Variants in AGAP1 observed in about 807,000 individuals in gnomAD.
The protein encoded by AGAP1 is arf-GAP with GTPase, ANK repeat and PH domain-containing protein 1.
A neutral mutation model predicts 105.3 loss-of-function variants in AGAP1; 29 were observed. That is an observed-to-expected ratio of 0.28 (90% CI 0.21 to 0.38). The LOEUF (loss-of-function observed/expected upper bound fraction) is 0.38, where lower values mean the gene tolerates loss of function less well. Among genes scored for constraint, AGAP1 ranks in the 10% least tolerant of loss-of-function variants. The pLI is 1.00. For missense variants in AGAP1, 998 were observed against 1,165.1 expected, an observed-to-expected ratio of 0.86 and a Z score of 2.09; for synonymous variants, 509 against 485.9, an observed-to-expected ratio of 1.05 and a Z score of -0.63.
At position 235,889,070 on chromosome 2, in the gene AGAP1, T is replaced by C. The variant is rs576876415; in HGVS notation, c.1155+5621T>C. 6.6e-6 allele frequency among the ~76,000 whole-genome samples: 1 copy of C among 152,314 alleles called. No individual in the cohort carries two copies. Among genetic ancestry groups the C allele is most frequent in the East Asian group, 1.9e-4 (1 of 5,188 alleles). On this transcript the variant is annotated intron_variant, in intron 10 of 17. Coordinates refer to ENST00000304032, the MANE Select transcript of AGAP1 (RefSeq NM_001037131.3). This position sits in a 1 kb window ranked among gnomAD's most constrained non-coding sequence, Gnocchi z 4.6. ...TTGCACAAGTGTCCACGGAAGTGTT[T>C]GTGTGAAAGATCGATCACCTTTGGA...
At chr2:236,018,702 A>G (rs1457873460) in intron 13 of AGAP1, among the ~76,000 whole-genome samples, 1 of 152,248 alleles carries the variant, frequency 6.6e-6, no homozygotes, top group Admixed American at 6.5e-5. Flanking sequence ...AGGCCTCTTC[A>G]AATAGGTGAT....
intron 13 of AGAP1, among the ~76,000 whole-genome samples, chr2:236,011,263 G>A (rs1400698612): frequency 3.9e-5 from 6 of 152,136 alleles, no homozygotes; most frequent in Non-Finnish European, 8.8e-5. Context: ...TCTCTCCCAG[G>A]CCCACTGACT....
chr2:235,992,227 G>T lies in AGAP1; in HGVS notation c.1645+23604G>T, dbSNP rs1194532477. Among the ~76,000 whole-genome samples the T allele has an allele frequency of 2.0e-5, 3 of 152,022 alleles. No homozygotes were observed. The East Asian group carries it at 5.8e-4, about 29-fold the overall frequency. Reference sequence around the variant, plus strand: ...GGTCTTCCTGGGTCCATGTTGCGTGGTTAGGAGCGCAGCGGAGGAGCCGGT... The same window carrying T: ...GGTCTTCCTGGGTCCATGTTGCGTGTTTAGGAGCGCAGCGGAGGAGCCGGT... On this transcript the variant is annotated intron_variant, in intron 13 of 17. Transcript: ENST00000304032. This position sits in a 1 kb window ranked among gnomAD's most constrained non-coding sequence, Gnocchi z 4.8.
At chr2:235,853,653 T>C (rs1330899430) in intron 9 of AGAP1, among the ~76,000 whole-genome samples, 2 of 152,194 alleles carry the variant, frequency 1.3e-5, no homozygotes, top group Non-Finnish European at 2.9e-5. Flanking sequence ...TGATTTTGGA[T>C]GTTAATGAAA....
At chr2:235,589,863 G>C (rs771840568) in intron 1 of AGAP1, among the ~76,000 whole-genome samples, 4 of 151,922 alleles carry the variant, frequency 2.6e-5, no homozygotes. Flanking sequence ...GAAAGGGTTT[G>C]GGAATGAGTA....
At chr2:235,647,955 A>G (rs1284372104) in intron 1 of AGAP1, among the ~76,000 whole-genome samples, 1 of 152,096 alleles carries the variant, frequency 6.6e-6, no homozygotes, top group East Asian at 1.9e-4. Context: ...AGAAATTTGA[A>G]CCAATCAGAA....
At chr2:235,768,581 T>C (rs77949776) in intron 6 of AGAP1, among the ~76,000 whole-genome samples, 4,680 of 152,300 alleles carry the variant, frequency 0.031, 237 homozygotes, top group African/African-American at 0.1. Flanking sequence ...TTTACCATCC[T>C]CTAAGATGTA....
rs1956757184 is a variant in AGAP1 at position 235,788,059 on chromosome 2, C to CT, written c.674-9699dup. Among the ~76,000 whole-genome samples, 3 of 152,304 alleles carry CT rather than the reference C, an allele frequency of 2.0e-5. No individual in the cohort carries two copies. The highest frequency in any genetic ancestry group is 6.5e-5 in the Admixed American group (1 of 15,298). On this transcript the variant is annotated intron_variant, in intron 6 of 17. Transcript: ENST00000304032. This position sits in a 1 kb window ranked among gnomAD's most constrained non-coding sequence, Gnocchi z 6.0. ...GCCATTGGCATCAACGCTGCAGCCT[C>CT]TGAGTCATGCATGCCTCATGGGGTC... is the stretch of plus-strand genomic sequence containing the variant.
chr2:235,643,439 A>C, intron 1 of AGAP1, among the ~76,000 whole-genome samples: 1 of 148,480 alleles, frequency 6.7e-6, no homozygotes, highest in Non-Finnish European at 1.5e-5. Flanking sequence ...CTCAAAAAAA[A>C]AAAAAAAAAA....
chr2:235,632,807 T>A (rs1393787472), intron 1 of AGAP1, among the ~76,000 whole-genome samples: 2 of 152,218 alleles, frequency 1.3e-5, no homozygotes, highest in Non-Finnish European at 2.9e-5. Flanking sequence ...GTTTTCCTCT[T>A]GTGGCACCTG....
Position 235,744,613 on chromosome 2 carries a change from G to T in AGAP1, c.397-85G>T. The T allele has an allele frequency of 3.2e-6, 5 of 1,550,086 alleles. No homozygotes were observed. Among genetic ancestry groups the T allele is most frequent in the Non-Finnish European group, 4.4e-6 (5 of 1,131,306 alleles). On this transcript the variant is annotated intron_variant, in intron 4 of 17. Transcript: ENST00000304032. This position sits in a 1 kb window ranked among gnomAD's most constrained non-coding sequence, Gnocchi z 5.2. ...ACCGAGGGGATTCCTGCAGCCCCCT[G>T]CTGCCTGCCGCCATGCAGACATCTC...
chr2:235,838,360 A>G (rs147365748), intron 9 of AGAP1, among the ~76,000 whole-genome samples: 1 of 152,220 alleles, frequency 6.6e-6, no homozygotes, highest in Non-Finnish European at 1.5e-5. Flanking sequence ...GATTTTGCTA[A>G]AAGTATGTGT....
chr2:235,813,641 G>A (rs916170533), intron 9 of AGAP1, among the ~76,000 whole-genome samples: 1 of 152,248 alleles, frequency 6.6e-6, no homozygotes, highest in Non-Finnish European at 1.5e-5. Context: ...GCTGGGCGTT[G>A]ACAGCTCCTG....
chr2:236,109,722 A>G lies in AGAP1; in HGVS notation c.2115-10470A>G, dbSNP rs907300082. The stretch of plus-strand genomic sequence containing the variant: ...GTTCTGGATCCGAGCATCCCAGGGT[A>G]GCAGCTGCCAACCACATACTTATGT... On this transcript the variant is annotated intron_variant, in intron 16 of 17. Transcript: ENST00000304032. The surrounding 1 kb of genome is among the most constrained non-coding windows in gnomAD (Gnocchi z 5.4). 2.0e-5 allele frequency among the ~76,000 whole-genome samples: 3 copies of G among 152,174 alleles called. No homozygotes were observed. The highest frequency in any genetic ancestry group is 4.4e-5 in the Non-Finnish European group (3 of 68,014).
intron 1 of AGAP1, among the ~76,000 whole-genome samples, chr2:235,506,445 G>C (rs1423731491): frequency 6.6e-6 from 1 of 152,034 alleles, no homozygotes; most frequent in Non-Finnish European, 1.5e-5. Context: ...CTTGAGCCAA[G>C]GAGTTGCAGG....
At chr2:235,510,533 C>T (rs34680986) in intron 1 of AGAP1, among the ~76,000 whole-genome samples, 24,293 of 152,142 alleles carry the variant, frequency 0.16, 2,158 homozygotes, top group East Asian at 0.27. Context: ...CATATGGGCA[C>T]GTGCTTTCAT....
chr2:235,571,821 C>T (rs1944525106), intron 1 of AGAP1, among the ~76,000 whole-genome samples: 1 of 151,846 alleles, frequency 6.6e-6, no homozygotes, highest in South Asian at 2.1e-4. Context: ...TGGTCTCAAA[C>T]TCCTAGGCTC....
Position 235,662,487 on chromosome 2 carries a change from T to G in AGAP1, c.164-46692T>G, listed in dbSNP as rs1947991641. On this transcript the variant is annotated intron_variant, in intron 1 of 17. Transcript: ENST00000304032. The surrounding 1 kb of genome is among the most constrained non-coding windows in gnomAD (Gnocchi z 4.2). The stretch of plus-strand genomic sequence containing the variant: ...CCAATTTAGTTTATCATTCCCCTAC[T>G]TGGTCTGTCTGCCTTCATGGAAGTT... Among the ~76,000 whole-genome samples, 1 of 151,576 alleles carries G rather than the reference T, an allele frequency of 6.6e-6. No individual in the cohort carries two copies. The highest frequency in any genetic ancestry group is 1.5e-5 in the Non-Finnish European group (1 of 67,990).
chr2:235,974,883 G>A (rs552758026), intron 13 of AGAP1, among the ~76,000 whole-genome samples: 2 of 152,264 alleles, frequency 1.3e-5, no homozygotes, highest in East Asian at 1.9e-4. Flanking sequence ...AATAAAACTC[G>A]GTTCCTCTCT....
Sources: allele counts gnomAD v4.1 joint callset (sites outside exome capture counted in the v4.1 genomes callset), GRCh38; gene constraint gnomAD v4.1.1; non-coding constraint Gnocchi (gnomAD v3.1); transcripts MANE v1.5; gene names NCBI Gene and HGNC (gene_info 2026-07-23, HGNC 2026-07-21).